KDM4C: variants seen among roughly 807,000 people sequenced by gnomAD.
The protein encoded by KDM4C is lysine-specific demethylase 4C.
In KDM4C, 81 loss-of-function variants were observed where a neutral mutation model predicts 129.3. The observed-to-expected ratio is 0.63, with a 90% CI of 0.52 to 0.75. The LOEUF (loss-of-function observed/expected upper bound fraction) is 0.75. Among genes scored for constraint, KDM4C ranks in the 30% least tolerant of loss-of-function variants. The pLI, the probability that KDM4C is intolerant of heterozygous loss-of-function variation, is 0.00. For missense variants in KDM4C, 1,457 were observed against 1,304.0 expected, an observed-to-expected ratio of 1.12 and a Z score of -1.81; for synonymous variants, 573 against 456.1, an observed-to-expected ratio of 1.26 and a Z score of -3.26.
intron 8 of KDM4C, among the ~76,000 whole-genome samples, chr9:6,899,714 T>C (rs367896387): frequency 3.4e-4 from 52 of 152,306 alleles, no homozygotes; most frequent in Admixed American, 1.5e-3. Context: ...ATTCAGGATA[T>C]CTGAAACTTC....
At chr9:6,819,220 G>T (rs138643278) in intron 4 of KDM4C, 1 of 152,190 alleles carries the variant, frequency 6.6e-6, no homozygotes, top group Non-Finnish European at 1.5e-5. Flanking sequence ...GTATTTGGTA[G>T]TGAAATAGCA....
At position 6,721,237 on chromosome 9, in the gene KDM4C, CTTTT is replaced by C. The variant is rs35919506; in HGVS notation, c.49+257_49+260del. On this transcript the variant is annotated intron_variant, in intron 1 of 17. Coordinates refer to the KDM4C transcript ENST00000536108. ...TACCAGTGCATGCCACTATGCCTGGCTTTTTTTTTTTTTTTTTTTTAATTTTAAA... is the reference window on the plus strand; with the variant it reads ...TACCAGTGCATGCCACTATGCCTGGCTTTTTTTTTTTTTTTTAATTTTAAA... 1.7e-3 allele frequency: 150 copies of C among 90,650 alleles called. No homozygotes were observed. In the East Asian group the frequency reaches 0.031, roughly 19 times the overall value. The allele number at this position is 90,650 out of a possible 1,614,324, so 5.6% of individuals were successfully genotyped here. A position where few individuals can be genotyped will look rare whatever the true frequency, so the allele number is the denominator to read the frequency against.
At chr9:7,071,169 C>G (rs1833142834) in intron 17 of KDM4C, among the ~76,000 whole-genome samples, 1 of 152,068 alleles carries the variant, frequency 6.6e-6, no homozygotes, top group African/African-American at 2.4e-5. Flanking sequence ...CAAAGAATAG[C>G]TAAATAAGTA....
intron 5 of KDM4C, among the ~76,000 whole-genome samples, chr9:6,858,011 A>G (rs559646844): frequency 7.0e-5 from 10 of 143,572 alleles, no homozygotes; most frequent in African/African-American, 2.4e-4. Flanking sequence ...CAGTCTACCC[A>G]CGCAGTCAGT....
upstream of KDM4C, among the ~76,000 whole-genome samples, chr9:6,756,683 C>T (rs575769685): frequency 4.1e-4 from 63 of 152,334 alleles, no homozygotes; most frequent in South Asian, 0.013. Flanking sequence ...CGCCATTGCA[C>T]TCCAAACTGG....
intron 17 of KDM4C, among the ~76,000 whole-genome samples, chr9:7,052,900 A>C (rs1403128214): frequency 2.0e-4 from 2 of 10,004 alleles, no homozygotes; most frequent in African/African-American, 1.1e-3. Context: ...AGAGAGAGAG[A>C]GCGAGCGAGT....
At chr9:7,145,746 T>C (rs1180786936) in intron 19 of KDM4C, among the ~76,000 whole-genome samples, 1 of 152,252 alleles carries the variant, frequency 6.6e-6, no homozygotes, top group African/African-American at 2.4e-5. Flanking sequence ...ACACTCTCTT[T>C]CGCTTAAGTT....
chr9:6,825,146 C>CA (rs776343731), intron 4 of KDM4C, among the ~76,000 whole-genome samples: 2,636 of 79,468 alleles, frequency 0.033, 64 homozygotes, highest in Non-Finnish European at 0.039. Flanking sequence ...AACTCGGTCT[C>CA]AAAAAAAAAA....
chr9:6,800,274 C>T (rs926871835), intron 2 of KDM4C, among the ~76,000 whole-genome samples: 1 of 151,936 alleles, frequency 6.6e-6, no homozygotes, highest in South Asian at 2.1e-4. Flanking sequence ...GGCTGGGACA[C>T]GAGAATCACT....
chr9:6,890,058 G>A lies in KDM4C; in HGVS notation c.783+1995G>A, dbSNP rs186448590. Among the ~76,000 whole-genome samples, 27 of 152,266 alleles carry A rather than the reference G, an allele frequency of 1.8e-4. No homozygotes were observed. In the East Asian group the frequency reaches 5.2e-3, roughly 29 times the overall value. On this transcript the variant is annotated intron_variant, in intron 7 of 21. Transcript: ENST00000381309. ...GTGACTTTGAGGGTTGATTGGCAGTGGCACTTCCTCATATTTAATACTGTC... is the reference window on the plus strand; with the variant it reads ...GTGACTTTGAGGGTTGATTGGCAGTAGCACTTCCTCATATTTAATACTGTC...
At chr9:6,740,553 C>G (rs920956903) in intron 1 of KDM4C, among the ~76,000 whole-genome samples, 2 of 151,646 alleles carry the variant, frequency 1.3e-5, no homozygotes, top group South Asian at 4.2e-4. Context: ...AAGTCTTGCT[C>G]TGTTGCCCAG....
chr9:6,933,517 G>T lies in KDM4C; in HGVS notation c.921+40285G>T, dbSNP rs201941388. Among the ~76,000 whole-genome samples the T allele has an allele frequency of 9.1e-4, 139 of 152,154 alleles. 1 individual carries two copies. The highest frequency in any genetic ancestry group is 1.5e-3 in the Non-Finnish European group (102 of 68,000). On this transcript the variant is annotated intron_variant, in intron 8 of 21. Coordinates refer to ENST00000381309, the MANE Select transcript of KDM4C (RefSeq NM_015061.6). ...GATGATGAACAGTATTCTTCCCCTG[G>T]GAATCTGGCTCTGCAAAATTACTTT...
At chr9:7,025,536 T>G (rs1265986533) in intron 15 of KDM4C, among the ~76,000 whole-genome samples, 4 of 152,234 alleles carry the variant, frequency 2.6e-5, no homozygotes, top group African/African-American at 7.2e-5. Context: ...GGTTTTTGAT[T>G]TGAGGTTATG....
intron 8 of KDM4C, among the ~76,000 whole-genome samples, chr9:6,937,402 G>C (rs117311033): frequency 0.011 from 1,600 of 152,186 alleles, 16 homozygotes; most frequent in Non-Finnish European, 0.015. Flanking sequence ...TCTAAGGAAG[G>C]TGTTTCTCTT....
At chr9:6,893,813 A>T (rs920841858) in intron 8 of KDM4C, among the ~76,000 whole-genome samples, 3 of 152,236 alleles carry the variant, frequency 2.0e-5, no homozygotes, top group Non-Finnish European at 2.9e-5. Context: ...TTTAGCTCAC[A>T]TAGTGGGTAT....
At chr9:7,162,164 G>A (rs192830197) in intron 19 of KDM4C, among the ~76,000 whole-genome samples, 2 of 152,180 alleles carry the variant, frequency 1.3e-5, no homozygotes, top group Non-Finnish European at 2.9e-5. Flanking sequence ...TTTGGAGGTG[G>A]GGGAGGCACA....
chr9:6,868,014 C>G (rs1842313689), intron 5 of KDM4C, among the ~76,000 whole-genome samples: 1 of 152,130 alleles, frequency 6.6e-6, no homozygotes, highest in African/African-American at 2.4e-5. Context: ...TCAAAACTTT[C>G]TATACATGAA....
chr9:7,171,631 A>C (rs1303021853), intron 21 of KDM4C, among the ~76,000 whole-genome samples: 2 of 152,168 alleles, frequency 1.3e-5, no homozygotes, highest in African/African-American at 4.8e-5. Context: ...GTAGATTTCA[A>C]ATACTGTTTC....
chr9:7,103,949 T>A, intron 18 of KDM4C, 79 bp downstream of exon 18: 1 of 1,293,204 alleles, frequency 7.7e-7, no homozygotes, highest in South Asian at 1.3e-5. Flanking sequence ...CCAGACATAA[T>A]GTGCTTTATT....
Sources: allele counts gnomAD v4.1 joint callset (sites outside exome capture counted in the v4.1 genomes callset), GRCh38; gene constraint gnomAD v4.1.1; transcripts MANE v1.5; gene names NCBI Gene and HGNC (gene_info 2026-07-23, HGNC 2026-07-21).